The following RPL31 variants were observed in gnomAD, a reference collection of about 807,000 sequenced individuals.
The protein encoded by RPL31 is large ribosomal subunit protein eL31.
For synonymous variants in RPL31, 51 were observed against 55.0 expected (o/e 0.93, Z 0.32); for missense variants, 95 against 164.0 (o/e 0.58, Z 2.30).
chr2:101,012,833 C>T (rs1296311204), intron 4 of RPL31, among the ~76,000 whole-genome samples: 2 of 152,202 alleles, frequency 1.3e-5, no homozygotes, highest in East Asian at 3.8e-4. Context: ...CAACAAGCTT[C>T]CACAAGATGG....
rs1316097784 is a variant in RPL31, at chr2:101,002,682, T to G, written c.1-20T>G. 6.3e-7 allele frequency: 1 copy of G among 1,594,254 alleles called. No individual in the cohort carries two copies. ...AGCTTGTTAAACTCTGCTCTGAGCCTCCTTGTCGCCTGCATTTAGATGGCT... is the reference window on the plus strand; with the variant it reads ...AGCTTGTTAAACTCTGCTCTGAGCCGCCTTGTCGCCTGCATTTAGATGGCT... On this transcript the variant is annotated intron_variant, in intron 1 of 4. Transcript: ENST00000264258.
chr2:101,010,145 T>G (rs1406771798), downstream of RPL31, among the ~76,000 whole-genome samples: 2 of 152,182 alleles, frequency 1.3e-5, no homozygotes, highest in African/African-American at 4.8e-5. Context: ...AAGCCTACAT[T>G]TCCTAAACAT....
chr2:101,007,993 G>GAGAC, downstream of RPL31: 3 of 1,613,988 alleles, frequency 1.9e-6, no homozygotes, highest in Non-Finnish European at 2.5e-6. Flanking sequence ...ATGTTCAAGG[G>GAGAC]AGACAGTCCA....
At chr2:101,010,246 C>T (rs945715312), downstream of RPL31, among the ~76,000 whole-genome samples, 11 of 152,164 alleles carry the variant, frequency 7.2e-5, no homozygotes, top group African/African-American at 2.7e-4. Context: ...GTTTTAGAGA[C>T]TCCTCTATCA....
chr2:101,009,080 A>G (rs748139562), downstream of RPL31, among the ~76,000 whole-genome samples: 2 of 152,066 alleles, frequency 1.3e-5, no homozygotes, highest in Non-Finnish European at 2.9e-5. Context: ...TAGCTACACA[A>G]TTACTCCAAG....
At chr2:101,003,588 C>G (rs11690047) in intron 2 of RPL31, among the ~76,000 whole-genome samples, 27,578 of 152,126 alleles carry the variant, frequency 0.18, 2,728 homozygotes, top group Middle Eastern at 0.33. Context: ...AAGGGATTGC[C>G]AGCTGCTGTT....
chr2:101,004,041 A>G, intron 2 of RPL31, 117 bp from the exon 3 acceptor site: 2 of 1,204,726 alleles, frequency 1.7e-6, no homozygotes, highest in South Asian at 1.5e-5. Flanking sequence ...GTTTTGTTAC[A>G]TAAGACATTG....
At chr2:101,016,992 G>A (rs1679696803) in intron 4 of RPL31, among the ~76,000 whole-genome samples, 1 of 151,786 alleles carries the variant, frequency 6.6e-6, no homozygotes, top group Non-Finnish European at 1.5e-5. Flanking sequence ...GAGTTAATGG[G>A]TGCAGCACAC....
chr2:101,017,916 A>G, intron 4 of RPL31: 3 of 1,550,834 alleles, frequency 1.9e-6, no homozygotes, highest in Non-Finnish European at 2.6e-6. Context: ...GAAACCGAAC[A>G]AGAAGAGGAA....
intron 4 of RPL31, among the ~76,000 whole-genome samples, chr2:101,014,967 ATTATT>A (rs200118010): frequency 1.3e-5 from 2 of 148,840 alleles, no homozygotes; most frequent in African/African-American, 5.0e-5. Context: ...TGTGAAATCT[ATTATT>A]TTATAGAGTC....
chr2:101,016,167 C>G (rs1679618945), intron 4 of RPL31, among the ~76,000 whole-genome samples: 1 of 152,184 alleles, frequency 6.6e-6, no homozygotes, highest in Non-Finnish European at 1.5e-5. Context: ...TTTTCGCAAC[C>G]TACTCATCTG....
intron 4 of RPL31, chr2:101,017,954 G>T: frequency 6.5e-7 from 1 of 1,549,258 alleles, no homozygotes; most frequent in East Asian, 2.4e-5. Flanking sequence ...TCTCTACTTG[G>T]TGAAAAGTCA....
intron 4 of RPL31, among the ~76,000 whole-genome samples, chr2:101,016,804 C>G (rs1679676079): frequency 6.6e-6 from 1 of 152,050 alleles, no homozygotes; most frequent in Non-Finnish European, 1.5e-5. Flanking sequence ...AATCATCATT[C>G]TCAGTAAACT....
rs746714329 is a variant in RPL31, at chr2:101,006,007, G to A, written c.282G>A (p.Glu94=). The A allele has an allele frequency of 5.0e-6, 8 of 1,613,756 alleles. No homozygotes were observed. The highest frequency in any genetic ancestry group is 6.8e-6 in the Non-Finnish European group (8 of 1,180,016). ...IRVRLSRKRN[E]DEDSPNKLYT... is the part of the protein sequence containing the mutation. ...TGCGGCTGTCCAGAAAACGTAATGA[G>A]GATGAAGATTCACCAAATAAGCTAT... Residue 94 remains glutamate (E), a synonymous_variant, in exon 4 of 5, where the codon GAG becomes GAA. Coordinates refer to ENST00000264258, the MANE Select transcript of RPL31 (RefSeq NM_000993.5).
chr2:101,007,623 T>C (rs1274527031), downstream of RPL31: 2 of 609,472 alleles, frequency 3.3e-6, no homozygotes, highest in Non-Finnish European at 2.9e-6. Flanking sequence ...ATGGATACCT[T>C]AGGGCACTGA....
At chr2:101,010,899 T>C (rs1276126824), downstream of RPL31, 7 of 1,519,286 alleles carry the variant, frequency 4.6e-6, no homozygotes, top group Non-Finnish European at 6.3e-6. Context: ...AAAAAAAAAG[T>C]TAATTCTCTG....
At chr2:101,013,563 C>G (rs901313817) in intron 4 of RPL31, among the ~76,000 whole-genome samples, 3 of 152,208 alleles carry the variant, frequency 2.0e-5, no homozygotes, top group African/African-American at 7.2e-5. Flanking sequence ...TCTCAGACTT[C>G]TGTTTGAAGG....
Position 101,004,297 on chromosome 2 carries a change from C to T in RPL31, c.233+14C>T. 6.2e-7 allele frequency: 1 copy of T among 1,613,434 alleles called. No homozygotes were observed. The highest frequency in any genetic ancestry group is 8.5e-7 in the Non-Finnish European group (1 of 1,179,828). On this transcript the variant is annotated intron_variant, in intron 3 of 4. Transcript: ENST00000264258. ...CAAAGGAATAAGGTGCTAAAGTTAT[C>T]TGTATTCGAAGGTGAACTTTTGCAA...
At chr2:101,008,032 T>C (rs1430189460), downstream of RPL31, 1 of 1,613,850 alleles carries the variant, frequency 6.2e-7, no homozygotes, top group African/African-American at 1.3e-5. Context: ...TGGAAATGCC[T>C]GGGAGTCCTG....
Sources: allele counts gnomAD v4.1 joint callset (sites outside exome capture counted in the v4.1 genomes callset), GRCh38; gene constraint gnomAD v4.1.1; transcripts MANE v1.5; gene names NCBI Gene and HGNC (gene_info 2026-07-23, HGNC 2026-07-21).